The following SANBR variants were observed in gnomAD, a reference collection of about 807,000 sequenced individuals.
SANBR encodes the protein SANT and BTB domain regulator of class switch recombination.
SANBR carries 77 observed loss-of-function variants against 101.8 expected under a neutral mutation model. That is an observed-to-expected ratio of 0.76 (90% confidence interval 0.63 to 0.91). The LOEUF (loss-of-function observed/expected upper bound fraction) is 0.91, where lower values mean the gene tolerates loss of function less well. SANBR is among the 40% of genes least tolerant of loss of function. The pLI, the probability that SANBR is intolerant of heterozygous loss-of-function variation, is 0.00. For synonymous variants in SANBR, 279 were observed against 274.7 expected, an observed-to-expected ratio of 1.02 and a Z score of -0.15; for missense variants, 875 against 853.0, an observed-to-expected ratio of 1.03 and a Z score of -0.32.
At chr2:61,114,143 C>T (rs1053529350) in intron 16 of SANBR, among the ~76,000 whole-genome samples, 5 of 152,102 alleles carry the variant, frequency 3.3e-5, no homozygotes, top group African/African-American at 7.2e-5. Context: ...CCTGACCCAA[C>T]GACAGATGAA....
At chr2:61,110,610 C>T (rs1331332486) in intron 16 of SANBR, among the ~76,000 whole-genome samples, 4 of 152,138 alleles carry the variant, frequency 2.6e-5, no homozygotes, top group East Asian at 1.9e-4. Flanking sequence ...ACCCGCAAGG[C>T]GGAGGTTGCA....
chr2:61,092,369 A>G, intron 10 of SANBR, 95 bp from the exon 11 acceptor site: 1 of 949,504 alleles, frequency 1.1e-6, no homozygotes, highest in Non-Finnish European at 1.4e-6. Flanking sequence ...GGGCAACAAG[A>G]GTGAAACTCC....
intron 20 of SANBR, among the ~76,000 whole-genome samples, chr2:61,129,953 A>G (rs1415138806): frequency 2.0e-5 from 3 of 152,150 alleles, no homozygotes; most frequent in African/African-American, 7.2e-5. Context: ...TAACATATGT[A>G]TGTATAACAA....
intron 2 of SANBR, among the ~76,000 whole-genome samples, chr2:61,069,391 G>A (rs1473977987): frequency 2.0e-5 from 3 of 151,532 alleles, no homozygotes; most frequent in Non-Finnish European, 4.4e-5. Context: ...TCGATGACTT[G>A]CCTTGGCTAG....
chr2:61,071,784 C>A lies in SANBR; in HGVS notation c.329C>A (p.Ser110Tyr), dbSNP rs747686016. 6.3e-7 allele frequency: 1 copy of A among 1,592,976 alleles called. No individual in the cohort carries two copies. Among genetic ancestry groups the A allele is most frequent in the Non-Finnish European group, 8.5e-7 (1 of 1,171,792 alleles). The change falls in exon 4 of 22, where the codon TCC becomes TAC. Residue 110 changes from serine (S) to tyrosine (Y), a missense_variant. Coordinates refer to ENST00000402291, the MANE Select transcript of SANBR (RefSeq NM_001129993.3). ...ACTCCAGTTGGACATGATGCAGTTT[C>A]CAAAACTGGTAAGGTTTTAAACTAA... The part of the protein sequence containing the change: ...QETPVGHDAV[S>Y]KTGRHSIAST...
At chr2:61,078,264 G>A (rs1681898475) in intron 6 of SANBR, among the ~76,000 whole-genome samples, 1 of 152,144 alleles carries the variant, frequency 6.6e-6, no homozygotes, top group Non-Finnish European at 1.5e-5. Flanking sequence ...CACTGATACA[G>A]TTCAGATACA....
chr2:61,097,999 A>C (rs1683109572), intron 12 of SANBR, 147 bp downstream of exon 12: 3 of 526,878 alleles, frequency 5.7e-6, no homozygotes, highest in Non-Finnish European at 9.4e-6. Context: ...CTCTTCTTAG[A>C]GATAATCACT....
In SANBR at chr2:61,122,561, G is replaced by A; in HGVS notation, c.*399G>A. ...CCATGCATGGCACTGATTGTAGTAT[G>A]TCTTTGGAGCTGTAAATCTTGAGAT... On this transcript the variant is annotated 3_prime_UTR_variant, in exon 22 of 22. Transcript: ENST00000402291. 1 of 992,350 alleles carries A rather than the reference G, an allele frequency of 1.0e-6. No individual in the cohort carries two copies. The highest frequency in any genetic ancestry group is 1.7e-5 in the African/African-American group (1 of 57,588). The allele number at this position is 992,350 out of a possible 1,614,324, so 61.5% of individuals were successfully genotyped here. A position where few individuals can be genotyped will look rare whatever the true frequency, so the allele number is the denominator to read the frequency against.
At chr2:61,073,398 C>A in intron 4 of SANBR, 60 bp from the exon 5 acceptor site, 1 of 772,034 alleles carries the variant, frequency 1.3e-6, no homozygotes, top group Non-Finnish European at 2.1e-6. Context: ...AACCCATTCT[C>A]AGCTAGAAAC....
intron 5 of SANBR, among the ~76,000 whole-genome samples, chr2:61,074,078 T>A (rs970826771): frequency 1.3e-5 from 2 of 152,230 alleles, no homozygotes; most frequent in African/African-American, 2.4e-5. Context: ...CATATAACCA[T>A]CACCCAAATC....
chr2:61,088,953 A>C (rs986426237), intron 10 of SANBR: 4 of 888,268 alleles, frequency 4.5e-6, no homozygotes, highest in African/African-American at 1.8e-5. Context: ...GGTAGTTGTT[A>C]GTACATTTTA....
chr2:61,122,215 A>C lies in SANBR; in HGVS notation c.*53A>C. On this transcript the variant is annotated 3_prime_UTR_variant, in exon 22 of 22. Transcript: ENST00000402291. The stretch of plus-strand genomic sequence containing the variant: ...AGAAGGCACTCTTCTGGACATCTGA[A>C]ATTGCTCACTTCTTGAAGATCTTCA... 2 of 1,513,108 alleles carry C rather than the reference A, an allele frequency of 1.3e-6. No individual in the cohort carries two copies. Among genetic ancestry groups the C allele is most frequent in the Non-Finnish European group, 1.8e-6 (2 of 1,129,536 alleles). 93.7% of individuals were successfully genotyped at this position (1,513,108 alleles called of 1,614,324 possible).
intron 10 of SANBR, chr2:61,089,107 G>A (rs1487371021): frequency 1.0e-6 from 1 of 982,896 alleles, no homozygotes; most frequent in Non-Finnish European, 1.2e-6. Context: ...ATGTTATATT[G>A]AATTTTACAA....
At chr2:61,135,063 G>T (rs967848528) in intron 21 of SANBR, among the ~76,000 whole-genome samples, 5 of 152,076 alleles carry the variant, frequency 3.3e-5, no homozygotes, top group African/African-American at 1.2e-4. Context: ...GGTGGCACGC[G>T]CCTGTAATCC....
intron 6 of SANBR, among the ~76,000 whole-genome samples, chr2:61,080,139 G>C (rs1450361235): frequency 6.7e-6 from 1 of 148,906 alleles, no homozygotes; most frequent in Admixed American, 6.7e-5. Context: ...GGAGGTTGCA[G>C]TGAGCCAAGA....
At chr2:61,133,054 C>G (rs1431884259) in intron 20 of SANBR, among the ~76,000 whole-genome samples, 4 of 152,076 alleles carry the variant, frequency 2.6e-5, no homozygotes, top group African/African-American at 7.2e-5. Flanking sequence ...GAGGTCAAGA[C>G]CAGCCTGGTC....
At chr2:61,104,387 C>G (rs1573640551) in intron 13 of SANBR, among the ~76,000 whole-genome samples, 1 of 150,950 alleles carries the variant, frequency 6.6e-6, no homozygotes, top group South Asian at 2.1e-4. Context: ...GAGGCTGAGG[C>G]AGGAGAATGG....
intron 17 of SANBR, 104 bp from the exon 18 acceptor site, chr2:61,117,253 A>G: frequency 9.6e-7 from 1 of 1,038,812 alleles, no homozygotes; most frequent in Non-Finnish European, 1.5e-6. Context: ...CTCTTGGTAC[A>G]GTGTCTTCAC....
In SANBR at chr2:61,106,647, TG is replaced by T; in HGVS notation, c.1600del (p.Glu534SerfsTer8). 6.3e-7 allele frequency: 1 copy of T among 1,585,250 alleles called. No individual in the cohort carries two copies. The highest frequency in any genetic ancestry group is 8.6e-7 in the Non-Finnish European group (1 of 1,168,430). The part of the protein sequence containing the change: ...EPNTPWGPKT[G>X]ELNAFLSLKN... The stretch of plus-strand genomic sequence containing the variant: ...CAAATACACCATGGGGTCCCAAAAC[TG>T]GGGAGCTCAATGCTGTGAGTAGTTT... On this transcript the variant is annotated frameshift_variant, in exon 14 of 22. Coordinates refer to ENST00000402291, the MANE Select transcript of SANBR (RefSeq NM_001129993.3). LOFTEE classifies it high-confidence loss of function.
Sources: gnomAD v4.1 joint callset for allele counts (sites outside exome capture counted in the v4.1 genomes callset) on GRCh38, gnomAD v4.1.1 for gene constraint, MANE v1.5 for transcripts, NCBI Gene and HGNC (gene_info 2026-07-23, HGNC 2026-07-21) for gene names.